The following SPATA6L variants were observed in gnomAD, a reference collection of about 807,000 sequenced individuals.
The protein encoded by SPATA6L is spermatogenesis associated 6 like.
SPATA6L carries 68 observed loss-of-function variants against 49.2 expected under a neutral mutation model. That is an observed-to-expected ratio of 1.38 (90% confidence interval 1.14 to 1.69). The LOEUF (loss-of-function observed/expected upper bound fraction) is 1.69. Among genes scored for constraint, SPATA6L ranks in the 40% most tolerant of loss-of-function variants. The pLI is 0.00. For missense variants in SPATA6L, 668 were observed against 464.3 expected, an observed-to-expected ratio of 1.44 and a Z score of -4.03; for synonymous variants, 198 against 165.7, an observed-to-expected ratio of 1.19 and a Z score of -1.50.
chr9:4,600,758 G>C lies in SPATA6L; in HGVS notation c.*53C>G, dbSNP rs16921574. The C allele has an allele frequency of 2.4e-3, 369 of 152,276 alleles. 2 individuals are homozygous for C. The highest frequency in any genetic ancestry group is 8.5e-3 in the African/African-American group (354 of 41,562). 9.4% of individuals were successfully genotyped at this position (152,276 alleles called of 1,614,324 possible). ...TCATTTCTTTAAGGATGCTTCAATT[G>C]TCTCAGTGAGTGAGCTCTTCATGAT... On this transcript the variant is annotated 3_prime_UTR_variant, in exon 12 of 12. Transcript: ENST00000682582.
chr9:4,610,005 G>A (rs974850636), intron 9 of SPATA6L, among the ~76,000 whole-genome samples: 1,878 of 151,728 alleles, frequency 0.012, 26 homozygotes, highest in African/African-American at 0.043. Context: ...ACCAACAACA[G>A]ACAAACAGAG....
Position 4,599,053 on chromosome 9 carries a change from A to G in SPATA6L, c.*1758T>C, listed in dbSNP as rs76791049. ...TCTTCAGGATAGGGGATAGGACCCA[A>G]GTCTAAACACGAAATTCATTTACGT... is the stretch of plus-strand genomic sequence containing the variant. On this transcript the variant is annotated 3_prime_UTR_variant, in exon 12 of 12. Coordinates refer to ENST00000682582, the MANE Select transcript of SPATA6L (RefSeq NM_001353486.2). 4.5e-3 allele frequency among the ~76,000 whole-genome samples: 684 copies of G among 152,364 alleles called. 4 individuals carry two copies. Among genetic ancestry groups the G allele is most frequent in the African/African-American group, 0.016 (654 of 41,590 alleles).
At chr9:4,665,285 T>G (rs1195846398) in intron 1 of SPATA6L, 2 of 159,704 alleles carry the variant, frequency 1.3e-5, no homozygotes, top group Admixed American at 1.3e-4. Flanking sequence ...CTTGCTTAAT[T>G]TTTGCCTTGA....
chr9:4,660,347 A>C (rs202091008), intron 2 of SPATA6L, among the ~76,000 whole-genome samples: 2 of 152,132 alleles, frequency 1.3e-5, no homozygotes, highest in Non-Finnish European at 2.9e-5. Flanking sequence ...AAAAATCAAA[A>C]AACCCCATCA....
At chr9:4,645,436 G>C (rs929799856) in intron 3 of SPATA6L, among the ~76,000 whole-genome samples, 8 of 152,130 alleles carry the variant, frequency 5.3e-5, no homozygotes, top group Non-Finnish European at 7.4e-5. Flanking sequence ...TGTCTGGTGA[G>C]GGCCTTCTTG....
intron 9 of SPATA6L, among the ~76,000 whole-genome samples, chr9:4,613,287 A>T (rs1003342243): frequency 6.6e-5 from 10 of 152,072 alleles, no homozygotes; most frequent in African/African-American, 2.4e-4. Flanking sequence ...ATGTATGGTA[A>T]ACACTGGAAA....
chr9:4,609,075 G>C (rs868187715), intron 9 of SPATA6L, among the ~76,000 whole-genome samples: 1 of 148,058 alleles, frequency 6.8e-6, no homozygotes, highest in Admixed American at 6.6e-5. Context: ...CGACACATAC[G>C]CTCTCCCAAG....
At chr9:4,592,936 T>A (rs1416651424) in intron 13 of SPATA6L, among the ~76,000 whole-genome samples, 2 of 152,124 alleles carry the variant, frequency 1.3e-5, no homozygotes, top group Admixed American at 6.5e-5. Flanking sequence ...TAAAGTGGTT[T>A]AAGAAAAAAA....
intron 11 of SPATA6L, among the ~76,000 whole-genome samples, chr9:4,601,639 G>C (rs537803957): frequency 1.1e-4 from 17 of 152,122 alleles, no homozygotes; most frequent in Non-Finnish European, 2.5e-4. Flanking sequence ...TCTCGAGATC[G>C]CTGGGGAGCC....
At chr9:4,643,616 G>C (rs1426398201) in intron 3 of SPATA6L, among the ~76,000 whole-genome samples, 1 of 152,100 alleles carries the variant, frequency 6.6e-6, no homozygotes, top group Admixed American at 6.5e-5. Context: ...ATAATGTAAA[G>C]TAAGAAAAGT....
chr9:4,665,057 C>G (rs1840661608), intron 1 of SPATA6L: 1 of 167,068 alleles, frequency 6.0e-6, no homozygotes, highest in African/African-American at 2.4e-5. Context: ...TTAGGCTTAC[C>G]ATCTGATTTG....
rs544504114 is a variant in SPATA6L at position 4,605,835 on chromosome 9, G to A, written c.996-395C>T. On this transcript the variant is annotated intron_variant, in intron 9 of 11. Transcript: ENST00000682582. ...AAGATGGCCGAATAGGAACAGCTCC[G>A]GTCTCCAGCTCCCAGCGTGAGCGAC... Among the ~76,000 whole-genome samples the A allele has an allele frequency of 3.9e-5, 6 of 152,274 alleles. No homozygotes were observed. The East Asian group carries it at 9.7e-4, about 25-fold the overall frequency.
At chr9:4,610,127 C>T (rs964826232) in intron 9 of SPATA6L, among the ~76,000 whole-genome samples, 3 of 152,158 alleles carry the variant, frequency 2.0e-5, no homozygotes, top group African/African-American at 7.2e-5. Flanking sequence ...GTATAAACCA[C>T]TGCTCAATGA....
Position 4,622,441 on chromosome 9 carries a change from T to C in SPATA6L, c.739A>G (p.Lys247Glu), listed in dbSNP as rs1829542279. The C allele has an allele frequency of 1.9e-6, 3 of 1,613,842 alleles. No homozygotes were observed. Among genetic ancestry groups the C allele is most frequent in the Non-Finnish European group, 2.5e-6 (3 of 1,179,820 alleles). The change falls in exon 7 of 12, where the codon AAG becomes GAG. Residue 247 changes from lysine to glutamate, a missense_variant. By Grantham distance (56) the Lys-to-Glu change is moderately conservative. Coordinates refer to ENST00000682582, the MANE Select transcript of SPATA6L (RefSeq NM_001353486.2). ...HHLRRSRRKS[K>E]FSDFPFPTRR... ...GTTGGAAACGGAAAGTCTGAAAACT[T>C]AGATTTTCTTCTAGACCTCCTCAAA... is the stretch of plus-strand genomic sequence containing the variant.
chr9:4,636,555 C>G (rs554660535), intron 3 of SPATA6L, among the ~76,000 whole-genome samples: 49 of 152,256 alleles, frequency 3.2e-4, no homozygotes, highest in African/African-American at 1.1e-3. Context: ...GGTCCCCGCA[C>G]AGAGGACCAT....
chr9:4,613,164 G>T (rs946274135), intron 9 of SPATA6L, among the ~76,000 whole-genome samples: 2 of 151,750 alleles, frequency 1.3e-5, no homozygotes, highest in African/African-American at 4.8e-5. Context: ...GGAGGTGGAG[G>T]TTGTAGTGAG....
chr9:4,606,433 G>C (rs564015204), intron 9 of SPATA6L, among the ~76,000 whole-genome samples: 2 of 63,906 alleles, frequency 3.1e-5, no homozygotes, highest in African/African-American at 6.8e-5. Context: ...GGTTCTCCCA[G>C]TACGCAGCTG....
At chr9:4,630,018 CAACAGCATTCTTCTAAGT>C (rs1831203336) in intron 4 of SPATA6L, among the ~76,000 whole-genome samples, 1 of 151,848 alleles carries the variant, frequency 6.6e-6, no homozygotes, top group Non-Finnish European at 1.5e-5. Flanking sequence ...GGATGGATCT[CAACAGCATTCTTCTAAGT>C]AAGAAAAGCC....
chr9:4,605,965 G>C (rs534474638), intron 9 of SPATA6L, among the ~76,000 whole-genome samples: 2,201 of 152,254 alleles, frequency 0.014, 33 homozygotes, highest in African/African-American at 0.033. Flanking sequence ...CACCGTGCGC[G>C]AGCCGAAGCA....
Sources: allele counts gnomAD v4.1 joint callset (sites outside exome capture counted in the v4.1 genomes callset), GRCh38; gene constraint gnomAD v4.1.1; transcripts MANE v1.5; gene names NCBI Gene and HGNC (gene_info 2026-07-23, HGNC 2026-07-21).